RLF: variants seen among roughly 807,000 people sequenced by gnomAD.
RLF encodes zinc finger protein Rlf.
In RLF, 7 loss-of-function variants were observed where a neutral mutation model predicts 162.9. That is an observed-to-expected ratio of 0.04 (90% confidence interval 0.02 to 0.08). The LOEUF (loss-of-function observed/expected upper bound fraction) is 0.08, where lower values mean the gene tolerates loss of function less well. RLF is among the 10% of genes least tolerant of loss of function. RLF has a pLI of 1.00. For missense variants in RLF, 1,664 were observed against 2,244.7 expected, an observed-to-expected ratio of 0.74 and a Z score of 5.23; for synonymous variants, 782 against 791.5, an observed-to-expected ratio of 0.99 and a Z score of 0.20.
rs750052945 is a variant in RLF at position 40,236,979 on chromosome 1, A to G, written c.2277A>G (p.Leu759=). Residue 759 remains leucine (L), a synonymous_variant, in exon 8 of 8, where the codon CTA becomes CTG. Coordinates refer to ENST00000372771, the MANE Select transcript of RLF (RefSeq NM_012421.4). This position sits in a 1 kb window ranked among gnomAD's most constrained non-coding sequence, Gnocchi z 7.7. ...CTAGGTTTGGATCAGTAAATGAACT[A>G]CTTAACCATAAACAAAAGCATGACG... is the stretch of plus-strand genomic sequence containing the variant. The part of the protein sequence containing the change: ...CYARFGSVNE[L]LNHKQKHDDL... 7.4e-6 allele frequency: 12 copies of G among 1,614,146 alleles called. No individual in the cohort carries two copies. In the South Asian group the frequency reaches 1.1e-4, roughly 15 times the overall value.
intron 5 of RLF, among the ~76,000 whole-genome samples, chr1:40,204,191 T>G (rs1196937459): frequency 6.6e-6 from 1 of 152,034 alleles, no homozygotes; most frequent in African/African-American, 2.4e-5. Context: ...AATTTTTTTG[T>G]ATTTTTGTAG....
chr1:40,219,903 C>T (rs1642969698), intron 5 of RLF, among the ~76,000 whole-genome samples: 3 of 151,950 alleles, frequency 2.0e-5, no homozygotes, highest in Non-Finnish European at 4.4e-5. Flanking sequence ...GCATGTTTAC[C>T]AACAATCCCT....
chr1:40,197,734 A>G (rs186432665), intron 4 of RLF, among the ~76,000 whole-genome samples: 1 of 152,348 alleles, frequency 6.6e-6, no homozygotes, highest in Admixed American at 6.5e-5. Context: ...TATCCAAGGA[A>G]TTATGTTGAG....
At chr1:40,231,799 T>A in intron 7 of RLF, 141 bp downstream of exon 7, 1 of 708,032 alleles carries the variant, frequency 1.4e-6, no homozygotes, top group Non-Finnish European at 2.2e-6. Flanking sequence ...CACATCTGAC[T>A]GTTTCTCCAG....
In RLF at chr1:40,240,528, G is replaced by C. The variant is rs879063597; in HGVS notation, c.*81G>C. On this transcript the variant is annotated 3_prime_UTR_variant, in exon 8 of 8. Coordinates refer to ENST00000372771, the MANE Select transcript of RLF (RefSeq NM_012421.4). ...TGCCAACTCGAACAAAGGCTGAGAAGCAGCCACACCGTTGTTTAGGGTAGA... is the reference window on the plus strand; with the variant it reads ...TGCCAACTCGAACAAAGGCTGAGAACCAGCCACACCGTTGTTTAGGGTAGA... The C allele has an allele frequency of 1.0e-6, 1 of 975,106 alleles. No individual in the cohort carries two copies. The allele number at this position is 975,106 out of a possible 1,614,324, so 60.4% of individuals were successfully genotyped here.
In RLF at chr1:40,161,392, G is replaced by A. The variant is rs1642079054; in HGVS notation, c.-8G>A. 2 of 1,528,436 alleles carry A rather than the reference G, an allele frequency of 1.3e-6. No individual in the cohort carries two copies. Among genetic ancestry groups the A allele is most frequent in the South Asian group, 1.3e-5 (1 of 79,256 alleles). The allele number at this position is 1,528,436 out of a possible 1,614,324, so 94.7% of individuals were successfully genotyped here. A position where few individuals can be genotyped will look rare whatever the true frequency, so the allele number is the denominator to read the frequency against. On this transcript the variant is annotated 5_prime_UTR_variant, in exon 1 of 8. The change creates a new upstream start codon in the 5' untranslated region. Transcript: ENST00000372771. The surrounding 1 kb of genome is among the most constrained non-coding windows in gnomAD (Gnocchi z 4.4). ...TTGGTTGCCTACGCGCTGGTGGGCC[G>A]TGGGAAGATGGCGGACGGAAAGGGA...
rs923832346 is a variant in RLF, at chr1:40,227,998, A to G, written c.948-3519A>G. 3.4e-4 allele frequency among the ~76,000 whole-genome samples: 51 copies of G among 152,018 alleles called. 1 individual carries two copies. Among genetic ancestry groups the G allele is most frequent in the African/African-American group, 1.2e-3 (50 of 41,466 alleles). The stretch of plus-strand genomic sequence containing the variant: ...AGCCTGAGGGACAGAGCAAGGCTCC[A>G]TCTGGGGGGAAAAAATTTATTTGAG... On this transcript the variant is annotated intron_variant, in intron 6 of 7. Transcript: ENST00000372771.
At chr1:40,168,379 G>A (rs1284219017) in intron 1 of RLF, among the ~76,000 whole-genome samples, 2 of 152,100 alleles carry the variant, frequency 1.3e-5, no homozygotes, top group South Asian at 2.1e-4. Flanking sequence ...TAGAGTGGCT[G>A]GGACTACAGG....
intron 7 of RLF, among the ~76,000 whole-genome samples, chr1:40,233,379 T>C (rs1214247633): frequency 6.6e-6 from 1 of 152,218 alleles, no homozygotes; most frequent in Admixed American, 6.5e-5. Context: ...CAGATTAGGC[T>C]GTTTAAGAAA....
chr1:40,194,127 C>A (rs896876721), intron 3 of RLF, among the ~76,000 whole-genome samples: 39 of 146,604 alleles, frequency 2.7e-4, no homozygotes, highest in African/African-American at 9.9e-4. Context: ...CTTTAATGAA[C>A]AAACTATTGG....
At chr1:40,169,634 A>AT (rs1038115639) in intron 1 of RLF, among the ~76,000 whole-genome samples, 4 of 151,368 alleles carry the variant, frequency 2.6e-5, no homozygotes, top group African/African-American at 7.3e-5. Context: ...AAAAAAAAAA[A>AT]AAAAAAAAAA....
At chr1:40,204,266 C>T (rs947835882) in intron 5 of RLF, among the ~76,000 whole-genome samples, 29 of 152,166 alleles carry the variant, frequency 1.9e-4, no homozygotes, top group African/African-American at 6.3e-4. Flanking sequence ...CCACACGCCT[C>T]GGCCTCCCAA....
intron 1 of RLF, among the ~76,000 whole-genome samples, chr1:40,172,332 T>C (rs560867405): frequency 1.3e-4 from 20 of 152,348 alleles, no homozygotes; most frequent in African/African-American, 1.4e-4. Context: ...TGCAATTTAC[T>C]TTTTAATTTG....
At chr1:40,184,431 A>T (rs1236978740) in intron 1 of RLF, among the ~76,000 whole-genome samples, 2 of 152,230 alleles carry the variant, frequency 1.3e-5, no homozygotes, top group African/African-American at 4.8e-5. Context: ...TCTGAGATAG[A>T]ATCAACAAAC....
At position 40,235,960 on chromosome 1, in the gene RLF, G is replaced by A. The variant is rs1209480901; in HGVS notation, c.1258G>A (p.Glu420Lys). Residue 420 changes from glutamate to lysine, a missense_variant, in exon 8 of 8, where the codon GAA becomes AAA. Transcript: ENST00000372771. ...CTGTCAGCTTACAGAATTCTTAATT[G>A]AACCCAGTTTGGATGGATTTAATAT... Reference protein sequence around the residue: ...RACQLTEFLIEPSLDGFNMLE... With the variant: ...RACQLTEFLIKPSLDGFNMLE... The A allele has an allele frequency of 1.9e-6, 3 of 1,613,912 alleles. No homozygotes were observed. The highest frequency in any genetic ancestry group is 1.6e-4 in the Middle Eastern group (1 of 6,062).
Position 40,189,186 on chromosome 1 carries a change from C to A in RLF, c.369C>A (p.Leu123=), listed in dbSNP as rs751429570. 1 of 1,613,714 alleles carries A rather than the reference C, an allele frequency of 6.2e-7. No individual in the cohort carries two copies. The highest frequency in any genetic ancestry group is 8.5e-7 in the Non-Finnish European group (1 of 1,179,836). Residue 123 remains leucine, a synonymous_variant, in exon 2 of 8, where the codon CTC becomes CTA. Transcript: ENST00000372771. ...TAACTACTGAATGTGAAGATGTCCT[C>A]TTAGTGCTTGGCAGATTAGTACTGT... is the stretch of plus-strand genomic sequence containing the variant. The part of the protein sequence containing the change: ...PYLTTECEDV[L]LVLGRLVLSC...
At chr1:40,211,814 G>T (rs963201854) in intron 5 of RLF, among the ~76,000 whole-genome samples, 1 of 152,036 alleles carries the variant, frequency 6.6e-6, no homozygotes, top group Non-Finnish European at 1.5e-5. Flanking sequence ...TAGAAACGGG[G>T]TTTCACCGTT....
intron 1 of RLF, among the ~76,000 whole-genome samples, chr1:40,176,052 A>G (rs1045173618): frequency 6.6e-6 from 1 of 152,180 alleles, no homozygotes; most frequent in African/African-American, 2.4e-5. Context: ...CTGTATAATT[A>G]TTGAAATTCA....
intron 4 of RLF, among the ~76,000 whole-genome samples, chr1:40,197,967 A>T (rs996766660): frequency 2.6e-5 from 4 of 152,160 alleles, no homozygotes; most frequent in Non-Finnish European, 4.4e-5. Context: ...TATTCACCTG[A>T]CATGATCAGT....
Sources: allele counts gnomAD v4.1 joint callset (sites outside exome capture counted in the v4.1 genomes callset), GRCh38; gene constraint gnomAD v4.1.1; non-coding constraint Gnocchi (gnomAD v3.1); transcripts MANE v1.5; gene names NCBI Gene and HGNC (gene_info 2026-07-23, HGNC 2026-07-21).